RLF: variants seen among roughly 807,000 people sequenced by gnomAD.
The protein encoded by RLF is RLF zinc finger, also known as zinc finger protein Rlf.
A neutral mutation model predicts 162.9 loss-of-function variants in RLF; 7 were observed. The observed-to-expected ratio is 0.04, with a 90% CI of 0.02 to 0.08. RLF has a LOEUF of 0.08. Ranked by LOEUF, RLF falls within the 10% of genes least tolerant of loss-of-function variation. RLF has a pLI of 1.00. For missense variants in RLF, 1,664 were observed against 2,244.7 expected, an observed-to-expected ratio of 0.74 and a Z score of 5.23; for synonymous variants, 782 against 791.5, an observed-to-expected ratio of 0.99 and a Z score of 0.20.
At chr1:40,199,571 T>C (rs1642682526) in intron 4 of RLF, among the ~76,000 whole-genome samples, 1 of 152,220 alleles carries the variant, frequency 6.6e-6, no homozygotes, top group African/African-American at 2.4e-5. Context: ...TTCTAAAACC[T>C]GAAATGTTAA....
At position 40,237,489 on chromosome 1, in the gene RLF, T is replaced by A. The variant is rs770344648; in HGVS notation, c.2787T>A (p.Asn929Lys). 3 of 1,613,758 alleles carry A rather than the reference T, an allele frequency of 1.9e-6. No homozygotes were observed. The highest frequency in any genetic ancestry group is 2.5e-6 in the Non-Finnish European group (3 of 1,179,662). The change falls in exon 8 of 8, where the codon AAT becomes AAA. Residue 929 changes from asparagine (N) to lysine (K), a missense_variant. By Grantham distance (94) the Asn-to-Lys change is moderately conservative. Transcript: ENST00000372771. This position sits in a 1 kb window ranked among gnomAD's most constrained non-coding sequence, Gnocchi z 4.4. ...CTATGCAGGATGTATTGTTATCTAA[T>A]GAGAAAGTCTTTGGGCCCTCCAGTT... Reference protein sequence around the residue: ...SETMQDVLLSNEKVFGPSSLK... With the variant: ...SETMQDVLLSKEKVFGPSSLK...
chr1:40,236,313 C>T lies in RLF; in HGVS notation c.1611C>T (p.Asp537=), dbSNP rs1643217069. The part of the protein sequence containing the change: ...DLTDQHKEKR[D]KKPIGSSERY... ...CAGATCAGCATAAGGAGAAAAGAGA[C>T]AAAAAACCTATTGGCTCTTCTGAAA... Residue 537 remains aspartate, a synonymous_variant, in exon 8 of 8, where the codon GAC becomes GAT. Transcript: ENST00000372771. The surrounding 1 kb of genome is among the most constrained non-coding windows in gnomAD (Gnocchi z 7.7). 1.2e-6 allele frequency: 2 copies of T among 1,613,780 alleles called. No individual in the cohort carries two copies. The highest frequency in any genetic ancestry group is 1.7e-6 in the Non-Finnish European group (2 of 1,179,940).
chr1:40,161,457 G>A lies in RLF; in HGVS notation c.58G>A (p.Ala20Thr), dbSNP rs1461425707. 1.9e-6 allele frequency: 3 copies of A among 1,577,784 alleles called. No individual in the cohort carries two copies. Among genetic ancestry groups the A allele is most frequent in the East Asian group, 4.7e-5 (2 of 42,118 alleles). ...CGCCGGGGCTGGGGCTGAGGCTCCGGCGGTAGCGGGAGCCGGAGATGGAGT... is the reference window on the plus strand; with the variant it reads ...CGCCGGGGCTGGGGCTGAGGCTCCGACGGTAGCGGGAGCCGGAGATGGAGT... The part of the protein sequence containing the change: ...AVAGAGAEAP[A>T]VAGAGDGVET... The change falls in exon 1 of 8, where the codon GCG becomes ACG. Residue 20 changes from alanine (A) to threonine (T), a missense_variant. Ala to Thr is a moderately conservative substitution (Grantham distance 58). Coordinates refer to ENST00000372771, the MANE Select transcript of RLF (RefSeq NM_012421.4). This position sits in a 1 kb window ranked among gnomAD's most constrained non-coding sequence, Gnocchi z 4.4.
Position 40,238,836 on chromosome 1 carries a change from T to C in RLF, c.4134T>C (p.Ala1378=), listed in dbSNP as rs1346201806. 1.2e-6 allele frequency: 2 copies of C among 1,614,044 alleles called. No individual in the cohort carries two copies. The highest frequency in any genetic ancestry group is 3.3e-5 in the Admixed American group (2 of 60,006). ...ATAAACGCTTCCTGTGTTCCAAAGC[T>C]CTTGCTAAGCACTGTAGTGATTCTC... is the stretch of plus-strand genomic sequence containing the variant. ...ECNKRFLCSK[A]LAKHCSDSHN... is the part of the protein sequence containing the mutation. Residue 1378 remains alanine, a synonymous_variant, in exon 8 of 8, where the codon GCT becomes GCC. Transcript: ENST00000372771. This position sits in a 1 kb window ranked among gnomAD's most constrained non-coding sequence, Gnocchi z 5.2.
At chr1:40,207,244 TG>T (rs1383704105) in intron 5 of RLF, among the ~76,000 whole-genome samples, 1 of 152,250 alleles carries the variant, frequency 6.6e-6, no homozygotes, top group Non-Finnish European at 1.5e-5. Flanking sequence ...CCTCATCCCT[TG>T]ATCTTTTGTT....
chr1:40,183,697 G>A (rs966602379), intron 1 of RLF, among the ~76,000 whole-genome samples: 1 of 151,736 alleles, frequency 6.6e-6, no homozygotes, highest in Non-Finnish European at 1.5e-5. Flanking sequence ...AACACCTATT[G>A]GATGACTTTG....
intron 7 of RLF, among the ~76,000 whole-genome samples, chr1:40,233,285 T>C (rs1288476319): frequency 3.3e-5 from 5 of 152,154 alleles, no homozygotes; most frequent in Admixed American, 2.0e-4. Context: ...TTTTGGCATA[T>C]CTGTTCAGAA....
At position 40,237,303 on chromosome 1, in the gene RLF, T is replaced by C. The variant is rs1643229223; in HGVS notation, c.2601T>C (p.Pro867=). The change falls in exon 8 of 8, where the codon CCT becomes CCC. Residue 867 remains proline, a synonymous_variant. Transcript: ENST00000372771. This position sits in a 1 kb window ranked among gnomAD's most constrained non-coding sequence, Gnocchi z 4.4. ...LLNQTDKSHL[P]EDLFCAESAN... ...ACCAAACTGATAAATCACATTTACC[T>C]GAAGATCTTTTCTGTGCAGAATCAG... The C allele has an allele frequency of 6.2e-7, 1 of 1,614,080 alleles. No individual in the cohort carries two copies. Among genetic ancestry groups the C allele is most frequent in the African/African-American group, 1.3e-5 (1 of 75,060 alleles).
intron 3 of RLF, among the ~76,000 whole-genome samples, chr1:40,193,896 C>T (rs1642594227): frequency 6.6e-6 from 1 of 152,042 alleles, no homozygotes; most frequent in East Asian, 1.9e-4. Context: ...ACATTTTTGG[C>T]TTATATTTTC....
chr1:40,234,118 T>G (rs1460556419), intron 7 of RLF, among the ~76,000 whole-genome samples: 1 of 152,112 alleles, frequency 6.6e-6, no homozygotes, highest in Non-Finnish European at 1.5e-5. Context: ...CTGGCTAATT[T>G]TTTGTATTTT....
Position 40,216,446 on chromosome 1 carries a change from C to T in RLF, c.811-6128C>T, listed in dbSNP as rs570728269. On this transcript the variant is annotated intron_variant, in intron 5 of 7. Transcript: ENST00000372771. ...GAGGTTGCAGTGAGCTGAGATTGTGCCATTGCACTCCAGCTTGGGCAACAA... is the reference window on the plus strand; with the variant it reads ...GAGGTTGCAGTGAGCTGAGATTGTGTCATTGCACTCCAGCTTGGGCAACAA... Among the ~76,000 whole-genome samples the T allele has an allele frequency of 2.6e-5, 4 of 151,318 alleles. No homozygotes were observed. In the East Asian group the frequency reaches 5.9e-4, roughly 22 times the overall value.
rs1387005837 is a variant in RLF, at chr1:40,182,742, CAGAT to C, written c.238-6306_238-6303del. Among the ~76,000 whole-genome samples the C allele has an allele frequency of 6.0e-4, 75 of 124,372 alleles. 1 individual carries two copies. The highest frequency in any genetic ancestry group is 1.7e-3 in the African/African-American group (53 of 31,442). The allele number at this position is 124,372 out of a possible 152,430, so 81.6% of individuals were successfully genotyped here. On this transcript the variant is annotated intron_variant, in intron 1 of 7. Transcript: ENST00000372771. ...TCAGGATGGATGAAAAAAGTATAGA[CAGAT>C]AGATAGGTAGATAGATAGATAGATA...
intron 5 of RLF, among the ~76,000 whole-genome samples, chr1:40,204,533 A>G (rs1418617453): frequency 1.3e-5 from 2 of 152,100 alleles, no homozygotes; most frequent in Non-Finnish European, 1.5e-5. Context: ...CAGCCCCTGG[A>G]GTAGCTAGGA....
intron 1 of RLF, among the ~76,000 whole-genome samples, chr1:40,178,632 G>GTTTTTTTTTTTTTTTTTT (rs57391266): frequency 5.7e-5 from 5 of 88,428 alleles, no homozygotes; most frequent in African/African-American, 2.0e-4. Context: ...TTTTTTTTTT[G>GTTTTTTTTTTTTTTTTTT]TTTTTTTTTT....
At chr1:40,194,133 A>G (rs1642597506) in intron 3 of RLF, among the ~76,000 whole-genome samples, 1 of 135,690 alleles carries the variant, frequency 7.4e-6, no homozygotes, top group Non-Finnish European at 1.6e-5. Context: ...TGAACAAACT[A>G]TTGGTAAATA....
chr1:40,224,101 C>T (rs1419275589), intron 6 of RLF, among the ~76,000 whole-genome samples: 1 of 152,046 alleles, frequency 6.6e-6, no homozygotes, highest in Non-Finnish European at 1.5e-5. Flanking sequence ...ATTTTTCTCC[C>T]CTTCTTCAGT....
intron 1 of RLF, among the ~76,000 whole-genome samples, chr1:40,163,045 G>A (rs1642117996): frequency 6.6e-6 from 1 of 152,232 alleles, no homozygotes; most frequent in Non-Finnish European, 1.5e-5. Flanking sequence ...TGATGGAAAA[G>A]GAGGTGTTGT....
In RLF at chr1:40,161,451, G is replaced by A. The variant is rs1189457566; in HGVS notation, c.52G>A (p.Ala18Thr). The A allele has an allele frequency of 6.3e-7, 1 of 1,579,912 alleles. No individual in the cohort carries two copies. Among genetic ancestry groups the A allele is most frequent in the Admixed American group, 1.9e-5 (1 of 52,500 alleles). The change falls in exon 1 of 8, where the codon GCT (alanine) becomes ACT (threonine). Residue 18 changes from alanine (A) to threonine (T), a missense_variant. Coordinates refer to ENST00000372771, the MANE Select transcript of RLF (RefSeq NM_012421.4). The surrounding 1 kb of genome is among the most constrained non-coding windows in gnomAD (Gnocchi z 4.4). Reference protein sequence around the residue: ...AAAVAGAGAEAPAVAGAGDGV... With the variant: ...AAAVAGAGAETPAVAGAGDGV... ...CGCTGTCGCCGGGGCTGGGGCTGAGGCTCCGGCGGTAGCGGGAGCCGGAGA... is the reference window on the plus strand; with the variant it reads ...CGCTGTCGCCGGGGCTGGGGCTGAGACTCCGGCGGTAGCGGGAGCCGGAGA...
At chr1:40,205,931 T>G (rs1012366296) in intron 5 of RLF, among the ~76,000 whole-genome samples, 1 of 152,142 alleles carries the variant, frequency 6.6e-6, no homozygotes, top group African/African-American at 2.4e-5. Flanking sequence ...GTCTGATGAG[T>G]ACATGTTGCA....
Sources: allele counts gnomAD v4.1 joint callset (sites outside exome capture counted in the v4.1 genomes callset), GRCh38; gene constraint gnomAD v4.1.1; non-coding constraint Gnocchi (gnomAD v3.1); transcripts MANE v1.5; gene names NCBI Gene and HGNC (gene_info 2026-07-23, HGNC 2026-07-21).